CSMD1: variants seen among roughly 807,000 people sequenced by gnomAD.
CSMD1 encodes CUB and Sushi multiple domains 1.
In CSMD1, 213 loss-of-function variants were observed where a neutral mutation model predicts 417.5. The observed-to-expected ratio is 0.51, with a 90% CI of 0.46 to 0.57. The LOEUF (loss-of-function observed/expected upper bound fraction) is 0.57, where lower values mean the gene tolerates loss of function less well. Ranked by LOEUF, CSMD1 falls within the 20% of genes least tolerant of loss-of-function variation. The pLI is 0.00. For synonymous variants in CSMD1, 2,862 were observed against 1,736.8 expected (o/e 1.65, Z -16.11); for missense variants, 6,923 against 4,529.7 (o/e 1.53, Z -15.17).
intron 2 of CSMD1, among the ~76,000 whole-genome samples, chr8:4,522,644 C>T (rs985072593): frequency 1.3e-5 from 2 of 152,088 alleles, no homozygotes; most frequent in East Asian, 1.9e-4. Flanking sequence ...ACTATAGGTT[C>T]GGATTTTCTT....
intron 1 of CSMD1, among the ~76,000 whole-genome samples, chr8:4,916,988 G>A (rs1029384077): frequency 6.6e-6 from 1 of 152,198 alleles, no homozygotes; most frequent in Non-Finnish European, 1.5e-5. Flanking sequence ...AGGTGTATTA[G>A]CTCATTCTTA....
intron 3 of CSMD1, among the ~76,000 whole-genome samples, chr8:4,376,569 G>C (rs1342137171): frequency 6.6e-6 from 1 of 151,934 alleles, no homozygotes; most frequent in Non-Finnish European, 1.5e-5. Context: ...TTGCCTGTTT[G>C]TTGTTGTTAC....
chr8:3,470,040 A>C lies in CSMD1; in HGVS notation c.1449-1216T>G, dbSNP rs994098876. ...GCACAGATCGTGAATGTCTAACTCT[A>C]TGAATTTTTACAAAGTGAACCGCCA... On this transcript the variant is annotated intron_variant, in intron 11 of 69. Transcript: ENST00000635120. Among the ~76,000 whole-genome samples the C allele has an allele frequency of 4.6e-5, 7 of 152,238 alleles. No homozygotes were observed. In the East Asian group the frequency reaches 1.4e-3, roughly 29 times the overall value.
At chr8:4,414,714 C>G (rs1445282361) in intron 3 of CSMD1, among the ~76,000 whole-genome samples, 2 of 152,052 alleles carry the variant, frequency 1.3e-5, no homozygotes, top group East Asian at 1.9e-4. Flanking sequence ...GAAATATGAA[C>G]TACTAGAAAA....
At chr8:4,933,620 A>G (rs1807402932) in intron 1 of CSMD1, among the ~76,000 whole-genome samples, 1 of 152,164 alleles carries the variant, frequency 6.6e-6, no homozygotes, top group South Asian at 2.1e-4. Flanking sequence ...CAGACCCCAC[A>G]ACCACAATGT....
chr8:3,265,463 A>C (rs967357845), intron 26 of CSMD1, among the ~76,000 whole-genome samples: 1 of 152,156 alleles, frequency 6.6e-6, no homozygotes, highest in African/African-American at 2.4e-5. Context: ...ACGTTTCCTA[A>C]ACAGAGTGGT....
At chr8:3,752,845 G>C (rs563767728) in intron 6 of CSMD1, among the ~76,000 whole-genome samples, 1 of 152,014 alleles carries the variant, frequency 6.6e-6, no homozygotes, top group Non-Finnish European at 1.5e-5. Context: ...TTCATTCCCC[G>C]CAACTGACCC....
intron 61 of CSMD1, 26 bp downstream of exon 61, chr8:2,962,440 C>T: frequency 6.2e-7 from 1 of 1,601,660 alleles, no homozygotes; most frequent in Non-Finnish European, 8.5e-7. Context: ...TCCCAGGTAT[C>T]CCCAGAGCTG....
chr8:3,176,414 T>C (rs1820940216), intron 37 of CSMD1, among the ~76,000 whole-genome samples: 1 of 152,142 alleles, frequency 6.6e-6, no homozygotes. Flanking sequence ...ATAGATCTCA[T>C]TAAAAAGTGT....
intron 26 of CSMD1, among the ~76,000 whole-genome samples, chr8:3,271,274 C>T (rs533395808): frequency 2.6e-3 from 395 of 152,090 alleles, no homozygotes; most frequent in Non-Finnish European, 4.6e-3. Context: ...TTTTTTAAGG[C>T]TGCATAGTAT....
intron 7 of CSMD1, among the ~76,000 whole-genome samples, chr8:3,652,219 G>A (rs959494903): frequency 2.0e-5 from 3 of 148,754 alleles, no homozygotes; most frequent in African/African-American, 5.0e-5. Flanking sequence ...CCATCAGAGC[G>A]CCATCACCAC....
intron 3 of CSMD1, among the ~76,000 whole-genome samples, chr8:4,150,369 C>G (rs1300397772): frequency 6.6e-6 from 1 of 152,204 alleles, no homozygotes; most frequent in Non-Finnish European, 1.5e-5. Context: ...CTGCAGCTGT[C>G]TTTTGTGCCT....
chr8:4,257,820 G>A (rs1423787030), intron 3 of CSMD1, among the ~76,000 whole-genome samples: 1 of 152,210 alleles, frequency 6.6e-6, no homozygotes, highest in East Asian at 1.9e-4. Context: ...GAGGTTGCAT[G>A]CATAGGGAAT....
intron 11 of CSMD1, among the ~76,000 whole-genome samples, chr8:3,492,469 A>G (rs1818438961): frequency 6.6e-6 from 1 of 152,064 alleles, no homozygotes; most frequent in African/African-American, 2.4e-5. Flanking sequence ...TTAATGAAAG[A>G]CGCTTCTGGT....
intron 1 of CSMD1, among the ~76,000 whole-genome samples, chr8:4,656,622 G>A (rs1330403820): frequency 6.6e-6 from 1 of 151,396 alleles, no homozygotes; most frequent in Non-Finnish European, 1.5e-5. Flanking sequence ...AACCAACAAA[G>A]GTGGTGACTA....
chr8:3,372,755 C>T (rs1810050177), intron 18 of CSMD1, among the ~76,000 whole-genome samples: 2 of 152,100 alleles, frequency 1.3e-5, no homozygotes, highest in East Asian at 1.9e-4. Flanking sequence ...GAATGGCCGA[C>T]ATTATAACAG....
In CSMD1 at chr8:4,074,169, G is replaced by A. The variant is rs551735550; in HGVS notation, c.416-42070C>T. Among the ~76,000 whole-genome samples, 4 of 152,082 alleles carry A rather than the reference G, an allele frequency of 2.6e-5. No homozygotes were observed. The South Asian group carries it at 8.3e-4, about 32-fold the overall frequency. ...AACATATACATATAATGCATAACTT[G>A]TATGGTCCAAATTAGTTAATGTCAC... is the stretch of plus-strand genomic sequence containing the variant. On this transcript the variant is annotated intron_variant, in intron 3 of 69. Transcript: ENST00000635120.
chr8:4,684,616 A>C (rs1389057339), intron 1 of CSMD1, among the ~76,000 whole-genome samples: 1 of 152,188 alleles, frequency 6.6e-6, no homozygotes, highest in Non-Finnish European at 1.5e-5. Context: ...CTCTTTTGAA[A>C]ATTAGGAATG....
At chr8:3,876,404 A>G (rs556375283) in intron 5 of CSMD1, among the ~76,000 whole-genome samples, 92 of 152,328 alleles carry the variant, frequency 6.0e-4, no homozygotes, top group Non-Finnish European at 9.7e-4. Context: ...GTATTTCTAA[A>G]GAATTCTGCA....
Sources: gnomAD v4.1 joint callset for allele counts (sites outside exome capture counted in the v4.1 genomes callset) on GRCh38, gnomAD v4.1.1 for gene constraint, MANE v1.5 for transcripts, NCBI Gene and HGNC (gene_info 2026-07-23, HGNC 2026-07-21) for gene names.